IMMP1L: variants seen among roughly 807,000 people sequenced by gnomAD.
The protein encoded by IMMP1L is mitochondrial inner membrane protease subunit 1.
A neutral mutation model predicts 21.8 loss-of-function variants in IMMP1L; 24 were observed. The observed-to-expected ratio is 1.10, with a 90% confidence interval of 0.80 to 1.55. The LOEUF (loss-of-function observed/expected upper bound fraction) is 1.55, where lower values mean the gene tolerates loss of function less well. Ranked by LOEUF, IMMP1L falls within the 40% of genes most tolerant of loss-of-function variation. The probability of loss-of-function intolerance (pLI) is 0.00; values close to 1 mark genes in which losing one functional copy is unlikely to be tolerated. For missense variants in IMMP1L, 195 were observed against 200.7 expected (o/e 0.97, Z 0.17); for synonymous variants, 46 against 62.8 (o/e 0.73, Z 1.26).
chr11:31,468,435 AAGAT>A (rs1473137328), intron 1 of IMMP1L, among the ~76,000 whole-genome samples: 1 of 152,212 alleles, frequency 6.6e-6, no homozygotes, highest in African/African-American at 2.4e-5. Flanking sequence ...CATATGGAGG[AAGAT>A]AGAACGCTAA....
intron 1 of IMMP1L, among the ~76,000 whole-genome samples, chr11:31,496,333 C>T (rs1226396464): frequency 6.6e-6 from 1 of 152,110 alleles, no homozygotes; most frequent in Non-Finnish European, 1.5e-5. Context: ...ACAAATGTTG[C>T]TAAGGATGTG....
chr11:31,433,376 A>G (rs1239699172), intron 5 of IMMP1L, 84 bp downstream of exon 5: 1 of 783,098 alleles, frequency 1.3e-6, no homozygotes, highest in African/African-American at 1.8e-5. Context: ...GTACACTGAC[A>G]GCTTGAAGAT....
intron 1 of IMMP1L, among the ~76,000 whole-genome samples, chr11:31,476,349 A>C (rs1263514409): frequency 6.6e-6 from 1 of 152,094 alleles, no homozygotes; most frequent in Non-Finnish European, 1.5e-5. Flanking sequence ...TTTGAAATAC[A>C]GTAGCTTGGA....
At chr11:31,474,107 A>C (rs1372832111) in intron 1 of IMMP1L, among the ~76,000 whole-genome samples, 2 of 152,210 alleles carry the variant, frequency 1.3e-5, no homozygotes. Flanking sequence ...ATTTACCTTC[A>C]TTTGGGCAAG....
chr11:31,436,810 T>C (rs568684313), intron 4 of IMMP1L, among the ~76,000 whole-genome samples: 2 of 152,286 alleles, frequency 1.3e-5, no homozygotes, highest in African/African-American at 4.8e-5. Context: ...CCAGGAGCCT[T>C]TCATTTGATA....
chr11:31,471,661 A>G (rs973358864), intron 1 of IMMP1L, among the ~76,000 whole-genome samples: 1 of 152,152 alleles, frequency 6.6e-6, no homozygotes, highest in African/African-American at 2.4e-5. Context: ...TGTCAGTTTG[A>G]TGGTAGAAAA....
intron 1 of IMMP1L, among the ~76,000 whole-genome samples, chr11:31,484,224 T>C (rs1215083340): frequency 6.6e-6 from 1 of 151,900 alleles, no homozygotes; most frequent in African/African-American, 2.4e-5. Context: ...ATATATACAG[T>C]AAAAGTCCCA....
rs376700859 is a variant in IMMP1L, at chr11:31,453,974, C to T, written c.321+2286G>A. Among the ~76,000 whole-genome samples the T allele has an allele frequency of 4.6e-5, 7 of 152,172 alleles. No individual in the cohort carries two copies. In the East Asian group the frequency reaches 5.8e-4, roughly 13 times the overall value. On this transcript the variant is annotated intron_variant, in intron 4 of 5. Transcript: ENST00000532287. ...AATCCTAATTCTTCCTCTCACTGTT[C>T]GAAATTGGGCAATTTATTTAGCCTC... is the stretch of plus-strand genomic sequence containing the variant.
At chr11:31,480,908 G>A (rs927563109) in intron 1 of IMMP1L, among the ~76,000 whole-genome samples, 7 of 151,998 alleles carry the variant, frequency 4.6e-5, no homozygotes, top group Admixed American at 2.6e-4. Flanking sequence ...AGCCTATTAA[G>A]CAAGAACAAA....
chr11:31,501,650 G>A (rs1955620616), intron 1 of IMMP1L, among the ~76,000 whole-genome samples: 1 of 152,018 alleles, frequency 6.6e-6, no homozygotes, highest in Admixed American at 6.6e-5. Context: ...CAGAAATTAG[G>A]GGTTTTAGAA....
At chr11:31,494,677 T>C (rs1035837893) in intron 1 of IMMP1L, among the ~76,000 whole-genome samples, 1 of 152,074 alleles carries the variant, frequency 6.6e-6, no homozygotes, top group Non-Finnish European at 1.5e-5. Flanking sequence ...AGTCTCACTC[T>C]GTCACCCAGG....
intron 1 of IMMP1L, among the ~76,000 whole-genome samples, chr11:31,472,036 G>A (rs544151589): frequency 9.5e-4 from 144 of 151,804 alleles, no homozygotes; most frequent in African/African-American, 3.4e-3. Flanking sequence ...TTATTCCATG[G>A]TCACTTCTTC....
chr11:31,450,213 C>A (rs970375999), intron 4 of IMMP1L, among the ~76,000 whole-genome samples: 2 of 152,148 alleles, frequency 1.3e-5, no homozygotes, highest in African/African-American at 4.8e-5. Flanking sequence ...CCAAAAGGCA[C>A]ATGTATGACT....
In IMMP1L at chr11:31,435,829, T is replaced by A. The variant is rs1262077933; in HGVS notation, c.322-2259A>T. 3.9e-5 allele frequency among the ~76,000 whole-genome samples: 6 copies of A among 152,212 alleles called. No homozygotes were observed. The East Asian group carries it at 1.2e-3, about 29-fold the overall frequency. Reference sequence around the variant, plus strand: ...GCCTTTGCTTTCATGTCTTCTGAATTTTGAGTCTTTCTTAGAAAGGTCTCA... The same window carrying A: ...GCCTTTGCTTTCATGTCTTCTGAATATTGAGTCTTTCTTAGAAAGGTCTCA... On this transcript the variant is annotated intron_variant, in intron 4 of 5. Coordinates refer to ENST00000532287, the MANE Select transcript of IMMP1L (RefSeq NM_001304274.2).
intron 4 of IMMP1L, chr11:31,437,290 AG>A: frequency 4.4e-6 from 1 of 226,394 alleles, no homozygotes; most frequent in Non-Finnish European, 9.3e-6. Context: ...ATATATATAT[AG>A]CCTGAAGGTA....
intron 1 of IMMP1L, among the ~76,000 whole-genome samples, chr11:31,494,356 G>A (rs1377284758): frequency 6.6e-6 from 1 of 152,216 alleles, no homozygotes; most frequent in Admixed American, 6.5e-5. Context: ...CCGTACTTTT[G>A]ACCCTTTAAG....
chr11:31,475,281 C>T (rs1213560399), intron 1 of IMMP1L, among the ~76,000 whole-genome samples: 1 of 152,162 alleles, frequency 6.6e-6, no homozygotes, highest in African/African-American at 2.4e-5. Flanking sequence ...AATACCAAAA[C>T]ATCCACATTC....
chr11:31,465,430 T>A (rs1205018076), intron 1 of IMMP1L, among the ~76,000 whole-genome samples: 3 of 152,168 alleles, frequency 2.0e-5, no homozygotes, highest in Admixed American at 6.5e-5. Flanking sequence ...AAAGTCATTT[T>A]TCACAGAATT....
chr11:31,448,820 T>A (rs921674638), intron 4 of IMMP1L: 3 of 379,110 alleles, frequency 7.9e-6, no homozygotes, highest in Non-Finnish European at 1.1e-5. Flanking sequence ...ACACTTTAAG[T>A]CTAGGAGCCT....
Sources: allele counts gnomAD v4.1 joint callset (sites outside exome capture counted in the v4.1 genomes callset), GRCh38; gene constraint gnomAD v4.1.1; transcripts MANE v1.5; gene names NCBI Gene and HGNC (gene_info 2026-07-23, HGNC 2026-07-21).